GALNTL6: variants seen among roughly 807,000 people sequenced by gnomAD.
GALNTL6 encodes the protein polypeptide N-acetylgalactosaminyltransferase-like 6.
In GALNTL6, 46 loss-of-function variants were observed where a neutral mutation model predicts 73.7. The observed-to-expected ratio is 0.62, with a 90% CI of 0.49 to 0.80. The LOEUF is 0.80. Among genes scored for constraint, GALNTL6 ranks in the 30% least tolerant of loss-of-function variants. The pLI is 0.00. For missense variants in GALNTL6, 604 were observed against 755.0 expected (o/e 0.80, Z 2.34); for synonymous variants, 259 against 263.7 (o/e 0.98, Z 0.17).
At chr4:172,007,800 T>A (rs1274287362) in intron 2 of GALNTL6, among the ~76,000 whole-genome samples, 1 of 152,162 alleles carries the variant, frequency 6.6e-6, no homozygotes, top group Non-Finnish European at 1.5e-5. Flanking sequence ...TTAGGATATC[T>A]CCCCTTTTCT....
chr4:172,434,815 G>A (rs532281012), intron 5 of GALNTL6, among the ~76,000 whole-genome samples: 3 of 151,972 alleles, frequency 2.0e-5, no homozygotes, highest in Admixed American at 2.0e-4. Flanking sequence ...ACATTGCATT[G>A]CACTGTTTTC....
intron 2 of GALNTL6, among the ~76,000 whole-genome samples, chr4:171,825,831 T>C (rs1318614657): frequency 6.6e-6 from 1 of 152,174 alleles, no homozygotes; most frequent in East Asian, 1.9e-4. Flanking sequence ...CTTGAATCTT[T>C]TGCTTCGTAA....
intron 4 of GALNTL6, among the ~76,000 whole-genome samples, chr4:172,346,354 G>A (rs1031500406): frequency 3.9e-5 from 6 of 152,164 alleles, no homozygotes; most frequent in Non-Finnish European, 7.4e-5. Context: ...CCTTCAATAT[G>A]TCCCTCACAC....
chr4:172,654,469 A>G (rs537084672), intron 5 of GALNTL6, among the ~76,000 whole-genome samples: 16 of 152,334 alleles, frequency 1.1e-4, no homozygotes, highest in Non-Finnish European at 1.9e-4. Context: ...CTATCTTACT[A>G]GAGTATTTTT....
chr4:172,341,787 C>T (rs1223665220), intron 4 of GALNTL6, among the ~76,000 whole-genome samples: 1 of 152,146 alleles, frequency 6.6e-6, no homozygotes, highest in Non-Finnish European at 1.5e-5. Context: ...ACAGTAAGTC[C>T]AATTAAACCT....
At chr4:172,518,397 A>C (rs1734674992) in intron 5 of GALNTL6, among the ~76,000 whole-genome samples, 1 of 151,974 alleles carries the variant, frequency 6.6e-6, no homozygotes, top group South Asian at 2.1e-4. Flanking sequence ...AGAACAGTAC[A>C]TATTGTAGAT....
intron 2 of GALNTL6, among the ~76,000 whole-genome samples, chr4:171,882,672 G>A (rs1432059682): frequency 6.6e-6 from 1 of 152,214 alleles, no homozygotes; most frequent in Non-Finnish European, 1.5e-5. Flanking sequence ...CAACACGGGA[G>A]AATGATGAAG....
chr4:172,489,751 T>C (rs1034506958), intron 5 of GALNTL6, among the ~76,000 whole-genome samples: 5 of 152,222 alleles, frequency 3.3e-5, no homozygotes, highest in Non-Finnish European at 7.4e-5. Context: ...AGGAATATGT[T>C]GGCAGAGAAG....
At chr4:172,042,322 T>C (rs1742106791) in intron 2 of GALNTL6, among the ~76,000 whole-genome samples, 1 of 152,122 alleles carries the variant, frequency 6.6e-6, no homozygotes, top group Non-Finnish European at 1.5e-5. Context: ...TATCACATTG[T>C]TATGACTAAT....
chr4:172,681,511 A>G (rs1732631780), intron 5 of GALNTL6, among the ~76,000 whole-genome samples: 1 of 152,212 alleles, frequency 6.6e-6, no homozygotes. Flanking sequence ...TAGAAATATT[A>G]AAATGAATAT....
intron 2 of GALNTL6, among the ~76,000 whole-genome samples, chr4:171,846,869 G>A (rs1735385157): frequency 6.9e-6 from 1 of 144,314 alleles, no homozygotes. Flanking sequence ...ATAATTATAT[G>A]TATTTATATT....
intron 3 of GALNTL6, among the ~76,000 whole-genome samples, chr4:172,298,305 A>G (rs1261732565): frequency 6.6e-6 from 1 of 152,154 alleles, no homozygotes; most frequent in African/African-American, 2.4e-5. Context: ...ACAAACAGGG[A>G]CAATTCGACT....
intron 5 of GALNTL6, among the ~76,000 whole-genome samples, chr4:172,687,073 C>A (rs1424963862): frequency 2.0e-5 from 3 of 152,140 alleles, no homozygotes; most frequent in Admixed American, 1.3e-4. Context: ...CTAAGAAACC[C>A]TATACATAAA....
chr4:171,969,923 C>G (rs1560864488), intron 2 of GALNTL6, among the ~76,000 whole-genome samples: 2 of 152,098 alleles, frequency 1.3e-5, no homozygotes, highest in Non-Finnish European at 2.9e-5. Flanking sequence ...ACATGTGCCA[C>G]CACACCTGGC....
chr4:171,874,363 T>C (rs1736218417), intron 2 of GALNTL6, among the ~76,000 whole-genome samples: 3 of 152,136 alleles, frequency 2.0e-5, no homozygotes, highest in Non-Finnish European at 4.4e-5. Flanking sequence ...CTAATTTTTG[T>C]ATTTTTAGTC....
At chr4:172,680,269 A>C (rs965123813) in intron 5 of GALNTL6, among the ~76,000 whole-genome samples, 1 of 152,154 alleles carries the variant, frequency 6.6e-6, no homozygotes, top group Non-Finnish European at 1.5e-5. Context: ...CTGCCAGTCT[A>C]CCTAAGGTTG....
chr4:172,741,634 A>T (rs1736809857), intron 5 of GALNTL6, among the ~76,000 whole-genome samples: 1 of 151,896 alleles, frequency 6.6e-6, no homozygotes, highest in Non-Finnish European at 1.5e-5. Flanking sequence ...ATCCATATAC[A>T]CTCTGCTACA....
intron 6 of GALNTL6, among the ~76,000 whole-genome samples, chr4:172,811,533 C>T (rs1741300488): frequency 6.6e-6 from 1 of 152,158 alleles, no homozygotes; most frequent in Non-Finnish European, 1.5e-5. Context: ...AAAGACATCT[C>T]TGGGGAAATA....
intron 10 of GALNTL6, among the ~76,000 whole-genome samples, chr4:172,972,338 C>T (rs1750619998): frequency 6.6e-6 from 1 of 152,158 alleles, no homozygotes; most frequent in South Asian, 2.1e-4. Context: ...TTGGAATTTA[C>T]TTTCCTTTCA....
Sources: allele counts gnomAD v4.1 joint callset (sites outside exome capture counted in the v4.1 genomes callset), GRCh38; gene constraint gnomAD v4.1.1; transcripts MANE v1.5; gene names NCBI Gene and HGNC (gene_info 2026-07-23, HGNC 2026-07-21).